Variants in ADCY5 observed in about 807,000 individuals in gnomAD.
The protein encoded by ADCY5 is adenylate cyclase 5.
A neutral mutation model predicts 119.7 loss-of-function variants in ADCY5; 30 were observed. The ratio of observed to expected loss-of-function variants is 0.25; its 90% CI spans 0.19 to 0.34. ADCY5 has a LOEUF of 0.34. Ranked by LOEUF, ADCY5 falls within the 10% of genes least tolerant of loss-of-function variation. ADCY5 has a pLI of 1.00. For missense variants in ADCY5, 1,324 were observed against 1,775.2 expected (o/e 0.75, Z 4.57); for synonymous variants, 753 against 762.2 (o/e 0.99, Z 0.20).
rs138260939 is a variant in ADCY5, at chr3:123,302,347, G to A, written c.2724+708C>T. 1.9e-3 allele frequency among the ~76,000 whole-genome samples: 289 copies of A among 152,356 alleles called. 1 individual carries two copies. The highest frequency in any genetic ancestry group is 3.4e-3 in the Non-Finnish European group (231 of 68,032). On this transcript the variant is annotated intron_variant, in intron 14 of 20. Coordinates refer to ENST00000462833, the MANE Select transcript of ADCY5 (RefSeq NM_183357.3). ...TTATTTTTAAACCCAAATGCCTGTA[G>A]GCACAAAATTTCTTTTTGGGGTGAT... is the stretch of plus-strand genomic sequence containing the variant.
intron 1 of ADCY5, among the ~76,000 whole-genome samples, chr3:123,398,776 G>A (rs1163247539): frequency 6.6e-6 from 1 of 151,952 alleles, no homozygotes; most frequent in African/African-American, 2.4e-5. Context: ...TTGTCTTCTG[G>A]GTCATATCCA....
intron 5 of ADCY5, among the ~76,000 whole-genome samples, chr3:123,329,945 T>G (rs1347365438): frequency 6.6e-6 from 1 of 152,238 alleles, no homozygotes; most frequent in African/African-American, 2.4e-5. Flanking sequence ...GGCCACCTCC[T>G]TCAGGCAAAC....
intron 1 of ADCY5, among the ~76,000 whole-genome samples, chr3:123,405,998 T>G (rs1473582682): frequency 3.3e-5 from 5 of 152,244 alleles, no homozygotes; most frequent in Non-Finnish European, 7.3e-5. Context: ...AGGGACCGAC[T>G]GCTCTTCCCA....
In ADCY5 at chr3:123,447,732, C is replaced by A; in HGVS notation, c.814G>T (p.Ala272Ser). 1 of 1,600,446 alleles carries A rather than the reference C, an allele frequency of 6.2e-7. No individual in the cohort carries two copies. Among genetic ancestry groups the A allele is most frequent in the Non-Finnish European group, 8.5e-7 (1 of 1,171,840 alleles). ...ARPPLQLPYL[A>S]VLAAAVGVIL... ...ACGCCGACGGCGGCCGCCAGCACGG[C>A]CAGGTAGGGCAGCTGGAGCGGGGGC... Residue 272 changes from alanine to serine, a missense_variant, in exon 1 of 21, where the codon GCC becomes TCC. Ala to Ser is a moderately conservative substitution (Grantham distance 99, BLOSUM62 1). This residue lies in a region of ADCY5 where 585 missense variants were observed against 569.9 expected (regional missense o/e 1.03). Coordinates refer to ENST00000462833, the MANE Select transcript of ADCY5 (RefSeq NM_183357.3).
At chr3:123,388,957 T>A (rs774990524) in intron 1 of ADCY5, among the ~76,000 whole-genome samples, 60 of 152,168 alleles carry the variant, frequency 3.9e-4, no homozygotes, top group Non-Finnish European at 3.7e-4. Context: ...TGGGGACCTG[T>A]GTCCCTAGTT....
Position 123,286,473 on chromosome 3 carries a change from A to G in ADCY5, c.3657+212T>C, listed in dbSNP as rs902196374. 7.9e-5 allele frequency among the ~76,000 whole-genome samples: 12 copies of G among 152,200 alleles called. No homozygotes were observed. The highest frequency in any genetic ancestry group is 1.8e-4 in the Non-Finnish European group (12 of 68,012). Reference sequence around the variant, plus strand: ...TTCCATGCCCAGTAGAGGGCTCTGCAGAAGCCTGAAGATCTGTCCAAGGTG... The same window carrying G: ...TTCCATGCCCAGTAGAGGGCTCTGCGGAAGCCTGAAGATCTGTCCAAGGTG... On this transcript the variant is annotated intron_variant, in intron 20 of 20. Transcript: ENST00000462833. This position sits in a 1 kb window ranked among gnomAD's most constrained non-coding sequence, Gnocchi z 4.2.
At chr3:123,385,088 C>G (rs2107569703) in intron 1 of ADCY5, among the ~76,000 whole-genome samples, 1 of 152,220 alleles carries the variant, frequency 6.6e-6, no homozygotes, top group African/African-American at 2.4e-5. Context: ...CTCCTTACAG[C>G]CGGCACCCCA....
intron 17 of ADCY5, among the ~76,000 whole-genome samples, chr3:123,295,029 G>A (rs981168164): frequency 6.6e-6 from 1 of 152,222 alleles, no homozygotes; most frequent in African/African-American, 2.4e-5. Flanking sequence ...ATTCTGCACA[G>A]AACCCTTCTG....
At chr3:123,340,456 C>T (rs999930415) in intron 3 of ADCY5, among the ~76,000 whole-genome samples, 1 of 152,138 alleles carries the variant, frequency 6.6e-6, no homozygotes. Context: ...TTATTAGAAT[C>T]GTAATCATAC....
At chr3:123,430,622 T>TA (rs1945504739) in intron 1 of ADCY5, among the ~76,000 whole-genome samples, 1 of 152,134 alleles carries the variant, frequency 6.6e-6, no homozygotes, top group African/African-American at 2.4e-5. Context: ...ACTTTAAAAA[T>TA]AAGTGTAAAG....
intron 3 of ADCY5, among the ~76,000 whole-genome samples, chr3:123,346,096 C>A (rs949261130): frequency 6.6e-6 from 1 of 152,198 alleles, no homozygotes; most frequent in African/African-American, 2.4e-5. Context: ...GATGAACGCA[C>A]GTAGGGCGGT....
At chr3:123,388,410 G>A (rs976245172) in intron 1 of ADCY5, among the ~76,000 whole-genome samples, 2 of 152,176 alleles carry the variant, frequency 1.3e-5, no homozygotes, top group African/African-American at 4.8e-5. Context: ...AGACAGAGAA[G>A]AGAGGCAGTG....
At position 123,284,474 on chromosome 3, in the gene ADCY5, G is replaced by T; in HGVS notation, c.*134C>A. 1 of 1,395,674 alleles carries T rather than the reference G, an allele frequency of 7.2e-7. No individual in the cohort carries two copies. The highest frequency in any genetic ancestry group is 9.7e-7 in the Non-Finnish European group (1 of 1,033,194). 86.5% of individuals were successfully genotyped at this position (1,395,674 alleles called of 1,614,324 possible). On this transcript the variant is annotated 3_prime_UTR_variant, in exon 21 of 21. Coordinates refer to ENST00000462833, the MANE Select transcript of ADCY5 (RefSeq NM_183357.3). ...CACCAGCAAAGGCAGAAGCTGCTCT[G>T]GAGTCCAAGTGGAAAATCTCAGCAG...
At chr3:123,393,989 A>C (rs1181932543) in intron 1 of ADCY5, among the ~76,000 whole-genome samples, 2 of 152,078 alleles carry the variant, frequency 1.3e-5, no homozygotes, top group Non-Finnish European at 2.9e-5. Context: ...CACACACACA[A>C]AATTAGCCAG....
chr3:123,335,235 A>G (rs747313201), intron 3 of ADCY5, among the ~76,000 whole-genome samples: 2 of 151,674 alleles, frequency 1.3e-5, no homozygotes, highest in Non-Finnish European at 2.9e-5. Context: ...AACCACAATA[A>G]AGGGCCCTGC....
intron 1 of ADCY5, chr3:123,367,818 C>A: frequency 6.7e-7 from 1 of 1,499,744 alleles, no homozygotes; most frequent in South Asian, 1.3e-5. Flanking sequence ...TTCCTCACCT[C>A]TGGGGCTCAT....
chr3:123,337,627 G>A (rs192648630), intron 3 of ADCY5, among the ~76,000 whole-genome samples: 24 of 152,316 alleles, frequency 1.6e-4, no homozygotes, highest in African/African-American at 5.8e-4. Context: ...TTCTCCCTGT[G>A]TGTCTGTGCT....
chr3:123,444,218 G>A (rs557224821), intron 1 of ADCY5, among the ~76,000 whole-genome samples: 2 of 152,108 alleles, frequency 1.3e-5, no homozygotes, highest in Non-Finnish European at 2.9e-5. Flanking sequence ...ACTTCTAACA[G>A]GCAAAGGAGG....
chr3:123,291,196 C>T lies in ADCY5; in HGVS notation c.3244G>A (p.Glu1082Lys), dbSNP rs764820071. Residue 1082 changes from glutamate to lysine, a missense_variant, in exon 18 of 21, where the codon GAG becomes AAG. Glu to Lys is a moderately conservative substitution (Grantham distance 56). Coordinates refer to ENST00000462833, the MANE Select transcript of ADCY5 (RefSeq NM_183357.3). The part of the protein sequence containing the change: ...VMFASIANFS[E>K]FYVELEANNE... The stretch of plus-strand genomic sequence containing the variant: ...TTGGCCTCCAGCTCAACGTAGAACT[C>T]GGAGAAGTTGGCGATGGAGGCGAAC... 2.5e-6 allele frequency: 4 copies of T among 1,613,936 alleles called. No homozygotes were observed. The highest frequency in any genetic ancestry group is 3.4e-6 in the Non-Finnish European group (4 of 1,180,042).
Sources: gnomAD v4.1 joint callset for allele counts (sites outside exome capture counted in the v4.1 genomes callset) on GRCh38, gnomAD v4.1.1 for gene constraint, gnomAD v4.1.1 regional missense constraint, Gnocchi (gnomAD v3.1) non-coding constraint, MANE v1.5 for transcripts, NCBI Gene and HGNC (gene_info 2026-07-23, HGNC 2026-07-21) for gene names.